The following GPR158 variants were observed in gnomAD, a reference collection of about 807,000 sequenced individuals.
GPR158 encodes metabotropic glycine receptor.
A neutral mutation model predicts 78.2 loss-of-function variants in GPR158; 30 were observed. That is an observed-to-expected ratio of 0.38 (90% confidence interval 0.29 to 0.52). The LOEUF (loss-of-function observed/expected upper bound fraction) is 0.52. GPR158 is among the 20% of genes least tolerant of loss of function. GPR158 has a pLI of 0.83. For synonymous variants in GPR158, 581 were observed against 591.1 expected, an observed-to-expected ratio of 0.98 and a Z score of 0.25; for missense variants, 1,463 against 1,523.5, an observed-to-expected ratio of 0.96 and a Z score of 0.66.
intron 5 of GPR158, among the ~76,000 whole-genome samples, chr10:25,505,693 A>T (rs2130663212): frequency 6.6e-6 from 1 of 152,268 alleles, no homozygotes; most frequent in East Asian, 1.9e-4. Context: ...CCTCCCTGTT[A>T]GCACCCTCTA....
intron 2 of GPR158, among the ~76,000 whole-genome samples, chr10:25,342,940 C>T (rs1281752996): frequency 6.6e-6 from 1 of 151,742 alleles, no homozygotes; most frequent in African/African-American, 2.4e-5. Context: ...AGTGGGGCTC[C>T]AGCTTTTTTT....
At chr10:25,190,442 C>A (rs1852758380) in intron 1 of GPR158, among the ~76,000 whole-genome samples, 1 of 152,086 alleles carries the variant, frequency 6.6e-6, no homozygotes, top group Admixed American at 6.5e-5. Context: ...AAGTGATCCT[C>A]CCACCTCAGT....
intron 5 of GPR158, among the ~76,000 whole-genome samples, chr10:25,516,475 G>A (rs1471176828): frequency 6.6e-6 from 1 of 150,764 alleles, no homozygotes; most frequent in Non-Finnish European, 1.5e-5. Flanking sequence ...TAATGCCTAG[G>A]TTTTCTTCTA....
At chr10:25,453,467 T>C (rs1325897930) in intron 4 of GPR158, among the ~76,000 whole-genome samples, 1 of 152,194 alleles carries the variant, frequency 6.6e-6, no homozygotes, top group Non-Finnish European at 1.5e-5. Flanking sequence ...CTTGTATCTT[T>C]GTTTTTCTTC....
chr10:25,544,715 AT>A, intron 5 of GPR158, among the ~76,000 whole-genome samples: 1 of 152,184 alleles, frequency 6.6e-6, no homozygotes, highest in Non-Finnish European at 1.5e-5. Flanking sequence ...TATATATAAT[AT>A]TTTTTGTTAT....
intron 2 of GPR158, among the ~76,000 whole-genome samples, chr10:25,272,960 C>G (rs569893647): frequency 4.1e-4 from 62 of 152,246 alleles, no homozygotes; most frequent in African/African-American, 1.5e-3. Context: ...TCATGGGATT[C>G]TAGATCATAA....
At chr10:25,482,669 C>T (rs750329488) in intron 5 of GPR158, among the ~76,000 whole-genome samples, 4 of 152,194 alleles carry the variant, frequency 2.6e-5, no homozygotes, top group East Asian at 3.9e-4. Flanking sequence ...ATATACTCTG[C>T]GTGCCAACAC....
chr10:25,484,894 C>A (rs1457302345), intron 5 of GPR158, among the ~76,000 whole-genome samples: 1 of 152,114 alleles, frequency 6.6e-6, no homozygotes, highest in Non-Finnish European at 1.5e-5. Context: ...AAAAGGCTAA[C>A]AATCTATACT....
intron 4 of GPR158, among the ~76,000 whole-genome samples, chr10:25,439,220 T>C (rs1442163771): frequency 1.3e-5 from 2 of 152,190 alleles, no homozygotes; most frequent in Non-Finnish European, 2.9e-5. Context: ...CTCACAATCA[T>C]GGTGGAAGGT....
At chr10:25,286,225 T>C (rs1424751382) in intron 2 of GPR158, among the ~76,000 whole-genome samples, 1 of 152,140 alleles carries the variant, frequency 6.6e-6, no homozygotes, top group Non-Finnish European at 1.5e-5. Context: ...TGTTCCCTCA[T>C]ATATCTTGGT....
At chr10:25,286,466 T>C (rs1194586325) in intron 2 of GPR158, among the ~76,000 whole-genome samples, 2 of 152,202 alleles carry the variant, frequency 1.3e-5, no homozygotes, top group Admixed American at 1.3e-4. Context: ...TTACTGAAAT[T>C]ACTCATCTGT....
intron 3 of GPR158, among the ~76,000 whole-genome samples, chr10:25,402,306 T>G (rs1590837): frequency 3.9e-5 from 6 of 152,070 alleles, no homozygotes; most frequent in Admixed American, 2.6e-4. Context: ...GAGAAACTGT[T>G]TCAAATCAGA....
At chr10:25,397,955 T>C (rs1241414998) in intron 3 of GPR158, among the ~76,000 whole-genome samples, 5 of 152,188 alleles carry the variant, frequency 3.3e-5, no homozygotes, top group African/African-American at 4.8e-5. Flanking sequence ...TAAGCTACTT[T>C]GTTGGGAGAG....
At chr10:25,470,436 C>T (rs1835484389) in intron 5 of GPR158, among the ~76,000 whole-genome samples, 1 of 152,064 alleles carries the variant, frequency 6.6e-6, no homozygotes. Context: ...AAACCGGATG[C>T]TGACACTTTG....
rs1588930238 is a variant in GPR158 at position 25,598,162 on chromosome 10, A to C, written c.2536A>C (p.Asn846His). ...TESQEEETTE[N>H]STLESLSGKK... is the part of the protein sequence containing the mutation. ...AAGCCAAGAGGAGGAGACAACAGAA[A>C]ATTCCACACTGGAATCCCTGTCGGG... The change falls in exon 11 of 11, where the codon AAT (asparagine) becomes CAT (histidine). Residue 846 changes from asparagine to histidine, a missense_variant. Coordinates refer to ENST00000376351, the MANE Select transcript of GPR158 (RefSeq NM_020752.3). 1 of 1,614,178 alleles carries C rather than the reference A, an allele frequency of 6.2e-7. No individual in the cohort carries two copies. Among genetic ancestry groups the C allele is most frequent in the Non-Finnish European group, 8.5e-7 (1 of 1,180,024 alleles).
chr10:25,569,718 T>C (rs368801436), intron 6 of GPR158, among the ~76,000 whole-genome samples: 6 of 152,262 alleles, frequency 3.9e-5, no homozygotes, highest in South Asian at 2.1e-4. Context: ...TTTCTACCTA[T>C]TGATATCCCC....
At chr10:25,268,063 C>G (rs1483138744) in intron 2 of GPR158, among the ~76,000 whole-genome samples, 1 of 151,810 alleles carries the variant, frequency 6.6e-6, no homozygotes, top group Non-Finnish European at 1.5e-5. Context: ...TTTTTGCAAG[C>G]AGTAACCTTA....
At chr10:25,435,456 G>A (rs1324768781) in intron 4 of GPR158, among the ~76,000 whole-genome samples, 2 of 152,030 alleles carry the variant, frequency 1.3e-5, no homozygotes, top group Admixed American at 6.6e-5. Context: ...GGTAGAAAAC[G>A]GGTATCCCAG....
At chr10:25,554,744 TG>T (rs1836765882) in intron 6 of GPR158, among the ~76,000 whole-genome samples, 1 of 152,148 alleles carries the variant, frequency 6.6e-6, no homozygotes, top group Non-Finnish European at 1.5e-5. Context: ...TGCACCAAGT[TG>T]GGGTTCGGGG....
Sources: allele counts gnomAD v4.1 joint callset (sites outside exome capture counted in the v4.1 genomes callset), GRCh38; gene constraint gnomAD v4.1.1; transcripts MANE v1.5; gene names NCBI Gene and HGNC (gene_info 2026-07-23, HGNC 2026-07-21).